STK33: variants seen among roughly 807,000 people sequenced by gnomAD.
STK33 encodes serine/threonine kinase 33.
A neutral mutation model predicts 58.0 loss-of-function variants in STK33; 52 were observed. The observed-to-expected ratio is 0.90, with a 90% CI of 0.72 to 1.13. STK33 has a LOEUF of 1.13. Among genes scored for constraint, STK33 ranks in the 50% most tolerant of loss-of-function variants. The pLI is 0.00. For synonymous variants in STK33, 215 were observed against 200.1 expected, an observed-to-expected ratio of 1.07 and a Z score of -0.63; for missense variants, 630 against 604.2, an observed-to-expected ratio of 1.04 and a Z score of -0.45.
intron 1 of STK33, among the ~76,000 whole-genome samples, chr11:8,525,446 A>T (rs1355772105): frequency 6.6e-6 from 1 of 152,222 alleles, no homozygotes; most frequent in Non-Finnish European, 1.5e-5. Flanking sequence ...AAACAGACTC[A>T]TGTATATAGT....
the STK33 span, among the ~76,000 whole-genome samples, chr11:8,351,896 C>T: frequency 2.0e-4 from 30 of 152,348 alleles, no homozygotes; most frequent in African/African-American, 7.0e-4. Context: ...GCCCAGGGGC[C>T]GTGCCTTCAG....
the STK33 span, among the ~76,000 whole-genome samples, chr11:8,355,837 C>T: frequency 9.9e-5 from 15 of 152,172 alleles, no homozygotes; most frequent in Non-Finnish European, 1.6e-4. Flanking sequence ...GGAAGCGCTT[C>T]GTAAATGGTA....
chr11:8,393,713 T>C (rs1222613810), intron 15 of STK33, among the ~76,000 whole-genome samples: 2 of 152,238 alleles, frequency 1.3e-5, no homozygotes, highest in Non-Finnish European at 2.9e-5. Flanking sequence ...AAGAGTGTGA[T>C]AAGATGGTGT....
chr11:8,466,419 G>A (rs7924753), intron 6 of STK33: 68,356 of 152,054 alleles, frequency 0.45, 15,754 homozygotes, highest in Non-Finnish European at 0.5. Context: ...CAGGCCCAAT[G>A]CAAGTCCAAA....
In STK33 at chr11:8,528,663, T is replaced by C. The variant is rs1377897170; in HGVS notation, c.-465-48049A>G. ...GACTAAAGACCAAAACCTGGAACAT[T>C]AGTCAATTCACGACAGTTATGAAAA... On this transcript the variant is annotated intron_variant, in intron 1 of 15. Transcript: ENST00000687296. Among the ~76,000 whole-genome samples the C allele has an allele frequency of 2.0e-5, 3 of 152,236 alleles. No individual in the cohort carries two copies. In the East Asian group the frequency reaches 5.8e-4, roughly 29 times the overall value.
the STK33 span, among the ~76,000 whole-genome samples, chr11:8,381,873 C>G: frequency 6.6e-6 from 1 of 152,118 alleles, no homozygotes; most frequent in Admixed American, 6.5e-5. Flanking sequence ...CTACAGATCC[C>G]TTTAGTTTGG....
chr11:8,525,713 G>A lies in STK33; in HGVS notation c.-465-45099C>T, dbSNP rs942743161. On this transcript the variant is annotated intron_variant, in intron 1 of 15. Coordinates refer to ENST00000687296, the MANE Select transcript of STK33 (RefSeq NM_001352389.2). ...GATTTCTTAAATAAAATGCAAAGAC[G>A]ATAAAGCCTTAAGAATTTCTGTTCA... is the stretch of plus-strand genomic sequence containing the variant. Among the ~76,000 whole-genome samples, 6 of 152,078 alleles carry A rather than the reference G, an allele frequency of 3.9e-5. No homozygotes were observed. The South Asian group carries it at 8.3e-4, about 21-fold the overall frequency.
In STK33 at chr11:8,462,440, TATAC is replaced by T. The variant is rs1274106734; in HGVS notation, c.454-535_454-532del. 4.6e-3 allele frequency among the ~76,000 whole-genome samples: 579 copies of T among 126,494 alleles called. 5 individuals carry two copies. Among genetic ancestry groups the T allele is most frequent in the African/African-American group, 0.015 (535 of 35,730 alleles). 83.0% of individuals were successfully genotyped at this position (126,494 alleles called of 152,430 possible). A position where few individuals can be genotyped will look rare whatever the true frequency, so the allele number is the denominator to read the frequency against. ...ACACATATATATACATATATACATA[TATAC>T]ACACACACACACACACACACACACA... On this transcript the variant is annotated intron_variant, in intron 7 of 15. Transcript: ENST00000687296.
chr11:8,439,789 C>A (rs186841181), intron 12 of STK33, among the ~76,000 whole-genome samples: 6 of 148,250 alleles, frequency 4.0e-5, no homozygotes, highest in Non-Finnish European at 7.4e-5. Context: ...CCATGCCATG[C>A]CATGCCAAGA....
chr11:8,523,506 C>G (rs961862283), intron 1 of STK33, among the ~76,000 whole-genome samples: 1 of 148,000 alleles, frequency 6.8e-6, no homozygotes, highest in Admixed American at 6.7e-5. Flanking sequence ...AAGCGAGGAG[C>G]CCCTCCGCTG....
rs1218760634 is a variant in STK33, at chr11:8,413,520, G to A, written c.1319C>T (p.Thr440Ile). The A allele has an allele frequency of 6.2e-7, 1 of 1,613,818 alleles. No homozygotes were observed. Among genetic ancestry groups the A allele is most frequent in the Non-Finnish European group, 8.5e-7 (1 of 1,179,876 alleles). Residue 440 changes from threonine to isoleucine, a missense_variant, in exon 15 of 16, where the codon ACT becomes ATT. Thr to Ile is a moderately conservative substitution (Grantham distance 89). Coordinates refer to ENST00000687296, the MANE Select transcript of STK33 (RefSeq NM_001352389.2). ...PWGNVPDANYTSDEEEEKQST... is the reference protein window; with the variant it reads ...PWGNVPDANYISDEEEEKQST... ...CTGTTTTTCCTCCTCTTCATCTGAA[G>A]TGTAATTGGCATCAGGGACATTTCC... is the stretch of plus-strand genomic sequence containing the variant.
the STK33 span, among the ~76,000 whole-genome samples, chr11:8,382,827 G>T: frequency 6.6e-6 from 1 of 152,178 alleles, no homozygotes; most frequent in Non-Finnish European, 1.5e-5. Context: ...TAAGGAAAAT[G>T]AGTGTGTCTT....
intron 1 of STK33, among the ~76,000 whole-genome samples, chr11:8,534,478 A>T (rs1954805410): frequency 6.6e-6 from 1 of 151,660 alleles, no homozygotes. Flanking sequence ...TAAGAGTATA[A>T]CATTGATCAT....
chr11:8,456,559 C>A (rs1173640403), intron 9 of STK33, among the ~76,000 whole-genome samples: 1 of 152,164 alleles, frequency 6.6e-6, no homozygotes, highest in Non-Finnish European at 1.5e-5. Context: ...CTCTAGCACA[C>A]CAAACCATGT....
the STK33 span, among the ~76,000 whole-genome samples, chr11:8,369,841 G>C: frequency 1.3e-5 from 2 of 152,258 alleles, no homozygotes; most frequent in Non-Finnish European, 2.9e-5. Context: ...GCTAGTCTTT[G>C]AGGCTTGAGA....
rs1048011542 is a variant in STK33, at chr11:8,483,437, T to C, written c.-465-2823A>G. On this transcript the variant is annotated intron_variant, in intron 1 of 15. Transcript: ENST00000687296. ...TTCACTGAAGAATAGGCACAAAAGATGGATGGGGTGGAGTGGGACATGAGG... is the reference window on the plus strand; with the variant it reads ...TTCACTGAAGAATAGGCACAAAAGACGGATGGGGTGGAGTGGGACATGAGG... 7.2e-5 allele frequency among the ~76,000 whole-genome samples: 11 copies of C among 151,950 alleles called. No homozygotes were observed. The South Asian group carries it at 8.3e-4, about 11-fold the overall frequency.
At chr11:8,476,277 A>G (rs939679310) in intron 4 of STK33, among the ~76,000 whole-genome samples, 1 of 152,260 alleles carries the variant, frequency 6.6e-6, no homozygotes, top group African/African-American at 2.4e-5. Flanking sequence ...AAGAAAATTT[A>G]TATTCTTAAA....
intron 1 of STK33, among the ~76,000 whole-genome samples, chr11:8,540,992 C>G (rs61875889): frequency 1.5e-5 from 2 of 137,646 alleles, no homozygotes; most frequent in African/African-American, 2.7e-5. Context: ...CTCTCTCTCT[C>G]TCTATATATA....
chr11:8,386,493 G>C, the STK33 span, among the ~76,000 whole-genome samples: 1 of 152,194 alleles, frequency 6.6e-6, no homozygotes, highest in Non-Finnish European at 1.5e-5. Context: ...TTCCAAAACA[G>C]CAATGAGGAT....
Sources: gnomAD v4.1 joint callset for allele counts (sites outside exome capture counted in the v4.1 genomes callset) on GRCh38, gnomAD v4.1.1 for gene constraint, MANE v1.5 for transcripts, NCBI Gene and HGNC (gene_info 2026-07-23, HGNC 2026-07-21) for gene names.